Variants in DPP10 observed in about 807,000 individuals in gnomAD.
DPP10 encodes the protein dipeptidyl peptidase like 10.
A neutral mutation model predicts 120.9 loss-of-function variants in DPP10; 33 were observed. The ratio of observed to expected loss-of-function variants is 0.27; its 90% CI spans 0.21 to 0.37. The LOEUF (loss-of-function observed/expected upper bound fraction) is 0.37, where lower values mean the gene tolerates loss of function less well. Ranked by LOEUF, DPP10 falls within the 10% of genes least tolerant of loss-of-function variation. DPP10 has a pLI of 1.00. For missense variants in DPP10, 816 were observed against 942.8 expected, an observed-to-expected ratio of 0.87 and a Z score of 1.76; for synonymous variants, 337 against 326.1, an observed-to-expected ratio of 1.03 and a Z score of -0.36.
At chr2:115,013,898 G>A (rs1471902217) in intron 1 of DPP10, among the ~76,000 whole-genome samples, 1 of 152,042 alleles carries the variant, frequency 6.6e-6, no homozygotes, top group East Asian at 1.9e-4. Context: ...AATAGTGGGA[G>A]ACTTTAACAG....
In DPP10 at chr2:115,814,916, T is replaced by A. The variant is rs754165227; in HGVS notation, c.1824T>A (p.Gly608=). 1 of 1,612,910 alleles carries A rather than the reference T, an allele frequency of 6.2e-7. No homozygotes were observed. ...RFDGRGSGFQ[G]LKILQEIHRR... The stretch of plus-strand genomic sequence containing the variant: ...ATGGCAGAGGAAGTGGATTCCAGGG[T>A]CTGAAAATTTTGCAGGAGATTCATC... The change falls in exon 20 of 26, where the codon GGT becomes GGA. Residue 608 remains glycine, a synonymous_variant. Transcript: ENST00000410059.
At chr2:114,885,930 A>C (rs1159541775) in intron 1 of DPP10, among the ~76,000 whole-genome samples, 1 of 152,214 alleles carries the variant, frequency 6.6e-6, no homozygotes, top group East Asian at 1.9e-4. Flanking sequence ...TTCAACCTCC[A>C]AATATTGATG....
chr2:114,872,701 C>T (rs1487512990), intron 1 of DPP10, among the ~76,000 whole-genome samples: 1 of 152,180 alleles, frequency 6.6e-6, no homozygotes, highest in Non-Finnish European at 1.5e-5. Context: ...GTGCACTCAT[C>T]TCCAGCACGC....
chr2:114,665,411 A>G (rs1697846486), intron 1 of DPP10, among the ~76,000 whole-genome samples: 1 of 151,696 alleles, frequency 6.6e-6, no homozygotes, highest in African/African-American at 2.4e-5. Flanking sequence ...TTCTCTTATC[A>G]TTTTTTTTCT....
At chr2:114,941,893 C>T (rs1032322463) in intron 1 of DPP10, among the ~76,000 whole-genome samples, 3 of 152,014 alleles carry the variant, frequency 2.0e-5, no homozygotes, top group Non-Finnish European at 4.4e-5. Flanking sequence ...TTCAGAAAGG[C>T]TTTGGGAAAA....
At position 115,288,195 on chromosome 2, in the gene DPP10, T is replaced by A. The variant is rs987701246; in HGVS notation, c.61-21044T>A. On this transcript the variant is annotated intron_variant, in intron 1 of 25. Transcript: ENST00000410059. ...CACCAACATTTACTGTTTTTTAATT[T>A]AAATTTTTTTTTTCATAATGACCAT... 7.2e-5 allele frequency among the ~76,000 whole-genome samples: 11 copies of A among 152,220 alleles called. No individual in the cohort carries two copies. In the South Asian group the frequency reaches 8.3e-4, roughly 11 times the overall value.
chr2:115,205,508 C>A (rs540567850), intron 1 of DPP10, among the ~76,000 whole-genome samples: 1 of 152,074 alleles, frequency 6.6e-6, no homozygotes, highest in South Asian at 2.1e-4. Context: ...ACAATTTGAC[C>A]CAGCAATGCC....
chr2:114,466,300 A>G (rs1477333426), intron 1 of DPP10, among the ~76,000 whole-genome samples: 1 of 152,184 alleles, frequency 6.6e-6, no homozygotes, highest in Non-Finnish European at 1.5e-5. Context: ...ACATATATGT[A>G]TTTATGTGGT....
chr2:115,494,035 G>A (rs1389260685), intron 3 of DPP10, among the ~76,000 whole-genome samples: 6 of 151,906 alleles, frequency 3.9e-5, no homozygotes, highest in Admixed American at 1.3e-4. Context: ...TGCAACCTCC[G>A]CCTCCCAGGT....
intron 1 of DPP10, among the ~76,000 whole-genome samples, chr2:114,553,110 C>T (rs1688017960): frequency 1.3e-5 from 2 of 152,168 alleles, no homozygotes; most frequent in African/African-American, 2.4e-5. Context: ...TCACATCAAG[C>T]CATTTATTTG....
rs1033995858 is a variant in DPP10 at position 115,531,344 on chromosome 2, T to G, written c.441+5372T>G. Among the ~76,000 whole-genome samples, 9 of 152,078 alleles carry G rather than the reference T, an allele frequency of 5.9e-5. No homozygotes were observed. In the East Asian group the frequency reaches 1.4e-3, roughly 23 times the overall value. ...GCATTCAAGACTGAGAACCAGTGTT[T>G]AGGGACCTGATTCCTTAAACTGCAA... On this transcript the variant is annotated intron_variant, in intron 5 of 25. Transcript: ENST00000410059.
At chr2:114,840,276 G>C (rs1688054578) in intron 1 of DPP10, among the ~76,000 whole-genome samples, 1 of 152,128 alleles carries the variant, frequency 6.6e-6, no homozygotes. Flanking sequence ...AACAATGTTT[G>C]AAAGGAAGAA....
In DPP10 at chr2:115,153,749, A is replaced by C. The variant is rs187264766; in HGVS notation, c.61-155490A>C. On this transcript the variant is annotated intron_variant, in intron 1 of 25. Transcript: ENST00000410059. ...AACTTTATTTTTCCCTAAAATACTT[A>C]TATTTTTCCCTAAAATACTTATTTC... 2.7e-3 allele frequency among the ~76,000 whole-genome samples: 411 copies of C among 152,232 alleles called. 3 individuals are homozygous for C. Among genetic ancestry groups the C allele is most frequent in the Non-Finnish European group, 3.6e-3 (245 of 67,998 alleles).
chr2:115,435,549 G>T (rs1035801966), intron 3 of DPP10, among the ~76,000 whole-genome samples: 2 of 151,494 alleles, frequency 1.3e-5, no homozygotes, highest in Non-Finnish European at 3.0e-5. Context: ...GATTATTATT[G>T]ATTTTTTTTG....
chr2:115,087,090 G>A (rs1043275762), intron 1 of DPP10, among the ~76,000 whole-genome samples: 3 of 152,244 alleles, frequency 2.0e-5, no homozygotes, highest in East Asian at 1.9e-4. Flanking sequence ...ATTCCAAGTC[G>A]AGCGTATTCT....
intron 2 of DPP10, among the ~76,000 whole-genome samples, chr2:115,338,358 AAG>A (rs2063271091): frequency 6.6e-6 from 1 of 152,162 alleles, no homozygotes; most frequent in African/African-American, 2.4e-5. Flanking sequence ...GTTTATATAA[AAG>A]AGTCTGGAAA....
intron 1 of DPP10, among the ~76,000 whole-genome samples, chr2:114,626,538 CG>C (rs999093106): frequency 1.3e-5 from 2 of 151,902 alleles, no homozygotes; most frequent in African/African-American, 4.8e-5. Context: ...GGGAATTTGG[CG>C]GGGTGGTCAC....
chr2:114,581,173 C>CTTTTTTTTTTTTTTTTTTT (rs70937291), intron 1 of DPP10, among the ~76,000 whole-genome samples: 2 of 77,892 alleles, frequency 2.6e-5, no homozygotes, highest in African/African-American at 5.1e-5. Context: ...TTTTTCTTCT[C>CTTTTTTTTTTTTTTTTTTT]TTTTTTTTTT....
chr2:115,760,254 A>AT (rs1679952431), intron 11 of DPP10, among the ~76,000 whole-genome samples: 1 of 152,198 alleles, frequency 6.6e-6, no homozygotes, highest in African/African-American at 2.4e-5. Flanking sequence ...CAAAATACTG[A>AT]TACGCTCAAC....
Sources: gnomAD v4.1 joint callset for allele counts (sites outside exome capture counted in the v4.1 genomes callset) on GRCh38, gnomAD v4.1.1 for gene constraint, MANE v1.5 for transcripts, NCBI Gene and HGNC (gene_info 2026-07-23, HGNC 2026-07-21) for gene names.